The following ZNF48 variants were observed in gnomAD, a reference collection of about 807,000 sequenced individuals.
The protein encoded by ZNF48 is zinc finger protein 553.
ZNF48 carries 20 observed loss-of-function variants against 40.0 expected under a neutral mutation model. That is an observed-to-expected ratio of 0.50 (90% confidence interval 0.35 to 0.73). ZNF48 has a LOEUF of 0.73. Among genes scored for constraint, ZNF48 ranks in the 30% least tolerant of loss-of-function variants. ZNF48 has a pLI of 0.01. For synonymous variants in ZNF48, 298 were observed against 329.7 expected (o/e 0.90, Z 1.04); for missense variants, 726 against 851.9 (o/e 0.85, Z 1.84).
chr16:30,378,346 CGG>C, exon 1 of ZNF48: 1 of 1,294,760 alleles, frequency 7.7e-7, no homozygotes, highest in Non-Finnish European at 1.0e-6. Context: ...GCGGAGGTCC[CGG>C]GGGGCGCTGG....
chr16:30,394,918 C>G (rs1052729309), upstream of ZNF48: 1 of 322,104 alleles, frequency 3.1e-6, no homozygotes, highest in Non-Finnish European at 6.3e-6. Context: ...CTAGCCTCTG[C>G]TCCTGCCTCG....
rs887156931 is a variant in ZNF48, at chr16:30,399,257, C to T, written c.*150C>T. On this transcript the variant is annotated 3_prime_UTR_variant, in exon 3 of 3. Coordinates refer to ENST00000613509, the MANE Select transcript of ZNF48 (RefSeq NM_001214909.2). ...TAGAAATAGGGATTGGAGACAGTAA[C>T]CTTGAAGCTCAGGAAACTGTCCTGG... 2 of 815,736 alleles carry T rather than the reference C, an allele frequency of 2.5e-6. No individual in the cohort carries two copies. Among genetic ancestry groups the T allele is most frequent in the African/African-American group, 1.7e-5 (1 of 57,846 alleles). The allele number at this position is 815,736 out of a possible 1,614,324, so 50.5% of individuals were successfully genotyped here.
chr16:30,385,147 T>A (rs952800039), intron 1 of ZNF48, among the ~76,000 whole-genome samples: 1 of 150,242 alleles, frequency 6.7e-6, no homozygotes, highest in Non-Finnish European at 1.5e-5. Flanking sequence ...TGCACTCCAA[T>A]CTGGGCAACA....
At position 30,398,837 on chromosome 16, in the gene ZNF48, A is replaced by T; in HGVS notation, c.1587A>T (p.Arg529=). The change falls in exon 3 of 3, where the codon CGA becomes CGT. Residue 529 remains arginine (R), a synonymous_variant. Coordinates refer to ENST00000613509, the MANE Select transcript of ZNF48 (RefSeq NM_001214909.2). This position sits in a 1 kb window ranked among gnomAD's most constrained non-coding sequence, Gnocchi z 6.6. ...NPPGPVPMAP[R]PRVRAQPSGP... ...CTGGCCCAGTACCCATGGCCCCTCG[A>T]CCCCGAGTTCGGGCCCAGCCTTCTG... The T allele has an allele frequency of 6.2e-7, 1 of 1,613,422 alleles. No homozygotes were observed. Among genetic ancestry groups the T allele is most frequent in the Non-Finnish European group, 8.5e-7 (1 of 1,179,920 alleles).
chr16:30,392,434 G>A (rs1332346390), upstream of ZNF48, among the ~76,000 whole-genome samples: 3 of 152,152 alleles, frequency 2.0e-5, no homozygotes, highest in Non-Finnish European at 4.4e-5. Context: ...TTACAGGCGT[G>A]AGCCACCATG....
chr16:30,393,469 C>T (rs947764735), upstream of ZNF48, among the ~76,000 whole-genome samples: 1 of 151,726 alleles, frequency 6.6e-6, no homozygotes, highest in African/African-American at 2.4e-5. Context: ...TTTCCAACCT[C>T]CGCCTCTCAG....
rs1234610289 is a variant in ZNF48 at position 30,395,824 on chromosome 16, A to G, written c.30A>G (p.Pro10=). The G allele has an allele frequency of 6.4e-7, 1 of 1,550,632 alleles. No individual in the cohort carries two copies. The highest frequency in any genetic ancestry group is 8.7e-7 in the Non-Finnish European group (1 of 1,152,622). MERAVEPWG[P]DLHRPEEREP... ...AGCGCGCGGTAGAGCCTTGGGGCCC[A>G]GATCTCCACCGCCCGGAGGAGAGGG... is the stretch of plus-strand genomic sequence containing the variant. Residue 10 remains proline (P), a synonymous_variant, in exon 2 of 3, where the codon CCA becomes CCG. Coordinates refer to ENST00000613509, the MANE Select transcript of ZNF48 (RefSeq NM_001214909.2). This position sits in a 1 kb window ranked among gnomAD's most constrained non-coding sequence, Gnocchi z 5.9.
At position 30,381,224 on chromosome 16, in the gene ZNF48, G is replaced by C; in HGVS notation, c.-16+2814G>C. 1 of 1,614,004 alleles carries C rather than the reference G, an allele frequency of 6.2e-7. No individual in the cohort carries two copies. Among genetic ancestry groups the C allele is most frequent in the Non-Finnish European group, 8.5e-7 (1 of 1,179,978 alleles). On this transcript the variant is annotated intron_variant, in intron 1 of 2. Coordinates refer to the ZNF48 transcript ENST00000528032. The surrounding 1 kb of genome is among the most constrained non-coding windows in gnomAD (Gnocchi z 4.3). ...TTTCTCGTGTACTGCCCGGAGGAAG[G>C]CCACATCTAGGGGCCGGAGCCTGCA...
upstream of ZNF48, among the ~76,000 whole-genome samples, chr16:30,393,957 A>T (rs556071038): frequency 1.3e-5 from 2 of 150,384 alleles, no homozygotes; most frequent in Non-Finnish European, 3.0e-5. Flanking sequence ...GCCTCAAGTG[A>T]TCCTCCCACC....
At chr16:30,393,895 T>C (rs370083949), upstream of ZNF48, among the ~76,000 whole-genome samples, 5 of 152,092 alleles carry the variant, frequency 3.3e-5, no homozygotes, top group East Asian at 1.9e-4. Flanking sequence ...TTTTGTTTTT[T>C]TTTTGTAGAG....
At chr16:30,388,505 C>A (rs1042720727) in intron 1 of ZNF48, among the ~76,000 whole-genome samples, 1 of 152,130 alleles carries the variant, frequency 6.6e-6, no homozygotes. Flanking sequence ...AGCCACTGCA[C>A]CCGGCCCAGG....
intron 1 of ZNF48, among the ~76,000 whole-genome samples, chr16:30,389,816 GTTTTTTTTTTTT>G (rs56373430): frequency 3.8e-3 from 86 of 22,500 alleles, no homozygotes; most frequent in Non-Finnish European, 6.8e-3. Flanking sequence ...ATTTGGATTA[GTTTTTTTTTTTT>G]TTTTTTTTTT....
At chr16:30,380,104 T>A in intron 1 of ZNF48, 1 of 1,297,714 alleles carries the variant, frequency 7.7e-7, no homozygotes, top group Non-Finnish European at 1.1e-6. Flanking sequence ...CCAGAGACAG[T>A]GAGACACAGA....
In ZNF48 at chr16:30,397,812, G is replaced by T; in HGVS notation, c.562G>T (p.Gly188Cys). The T allele has an allele frequency of 6.2e-7, 1 of 1,613,422 alleles. No homozygotes were observed. ...PKIPRSRIPAGERPTICGECG... is the reference protein window; with the variant it reads ...PKIPRSRIPACERPTICGECG... ...GATTCCTCGGTCCCGGATCCCTGCTGGTGAGCGCCCCACTATCTGTGGTGA... is the reference window on the plus strand; with the variant it reads ...GATTCCTCGGTCCCGGATCCCTGCTTGTGAGCGCCCCACTATCTGTGGTGA... Residue 188 changes from glycine to cysteine, a missense_variant, in exon 3 of 3, where the codon GGT becomes TGT. Transcript: ENST00000613509. The surrounding 1 kb of genome is among the most constrained non-coding windows in gnomAD (Gnocchi z 4.1).
chr16:30,378,672 T>A (rs2049788725), intron 1 of ZNF48: 2 of 1,608,318 alleles, frequency 1.2e-6, no homozygotes, highest in African/African-American at 2.7e-5. Flanking sequence ...GGCAGCGGGA[T>A]CTCTGTGGCG....
At chr16:30,391,388 C>T (rs2151115612), upstream of ZNF48, among the ~76,000 whole-genome samples, 1 of 151,342 alleles carries the variant, frequency 6.6e-6, no homozygotes, top group Middle Eastern at 3.4e-3. Flanking sequence ...CAGGTTTTCA[C>T]CATGTTGGTC....
chr16:30,379,516 C>T, intron 1 of ZNF48: 1 of 1,613,926 alleles, frequency 6.2e-7, no homozygotes, highest in Non-Finnish European at 8.5e-7. Flanking sequence ...GATCCCACGA[C>T]TGCAAAAGGG....
intron 1 of ZNF48, among the ~76,000 whole-genome samples, chr16:30,387,414 G>A (rs2049910385): frequency 1.4e-5 from 2 of 147,352 alleles, no homozygotes; most frequent in African/African-American, 4.9e-5. Flanking sequence ...AATTAGCCAG[G>A]CATGGTGGCG....
intron 1 of ZNF48, chr16:30,379,007 C>T (rs781472907): frequency 1.9e-6 from 3 of 1,611,594 alleles, no homozygotes; most frequent in East Asian, 4.5e-5. Flanking sequence ...ACTGTCCGCC[C>T]CGGGTCTCAC....
Sources: allele counts gnomAD v4.1 joint callset (sites outside exome capture counted in the v4.1 genomes callset), GRCh38; gene constraint gnomAD v4.1.1; non-coding constraint Gnocchi (gnomAD v3.1); transcripts MANE v1.5; gene names NCBI Gene and HGNC (gene_info 2026-07-23, HGNC 2026-07-21).